ZRANB3: variants seen among roughly 807,000 people sequenced by gnomAD.
ZRANB3 encodes the protein zinc finger RANBP2-type containing 3.
In ZRANB3, 125 loss-of-function variants were observed where a neutral mutation model predicts 133.8. That is an observed-to-expected ratio of 0.93 (90% CI 0.81 to 1.08). ZRANB3 has a LOEUF of 1.08. Ranked by LOEUF, ZRANB3 falls within the 50% of genes least tolerant of loss-of-function variation. The pLI is 0.00. For missense variants in ZRANB3, 1,229 were observed against 1,275.5 expected (o/e 0.96, Z 0.56); for synonymous variants, 387 against 432.7 (o/e 0.89, Z 1.31).
intron 12 of ZRANB3, among the ~76,000 whole-genome samples, chr2:135,256,478 G>A (rs1204016066): frequency 1.3e-5 from 2 of 152,194 alleles, no homozygotes; most frequent in African/African-American, 4.8e-5. Flanking sequence ...ATAGGCGCAA[G>A]CCACCAGGCC....
intron 6 of ZRANB3, among the ~76,000 whole-genome samples, chr2:135,344,669 G>A (rs994818851): frequency 2.8e-4 from 43 of 152,066 alleles, no homozygotes; most frequent in African/African-American, 8.9e-4. Context: ...CATCGGAAGC[G>A]GAGGTTGCAG....
At chr2:135,240,117 G>A (rs996170264) in intron 12 of ZRANB3, among the ~76,000 whole-genome samples, 1 of 152,102 alleles carries the variant, frequency 6.6e-6, no homozygotes, top group African/African-American at 2.4e-5. Context: ...CAAGACAGGA[G>A]GATTGTTTGA....
At chr2:135,324,545 C>T (rs1355752769) in intron 6 of ZRANB3, among the ~76,000 whole-genome samples, 29 of 152,238 alleles carry the variant, frequency 1.9e-4, no homozygotes, top group East Asian at 1.2e-3. Context: ...TAAACATACG[C>T]GTGCATGTGT....
chr2:135,285,810 G>C (rs1437557708), intron 8 of ZRANB3, among the ~76,000 whole-genome samples: 1 of 152,194 alleles, frequency 6.6e-6, no homozygotes, highest in Non-Finnish European at 1.5e-5. Flanking sequence ...GAGATGGCTA[G>C]ACCATATGTA....
intron 1 of ZRANB3, among the ~76,000 whole-genome samples, chr2:135,515,017 G>A (rs1210337526): frequency 1.3e-5 from 2 of 152,162 alleles, no homozygotes; most frequent in South Asian, 4.1e-4. Flanking sequence ...GCTTTGTGAT[G>A]TGCTGCTGGA....
At chr2:135,469,713 T>C (rs1316356996) in intron 2 of ZRANB3, among the ~76,000 whole-genome samples, 1 of 152,032 alleles carries the variant, frequency 6.6e-6, no homozygotes, top group Non-Finnish European at 1.5e-5. Flanking sequence ...ATATAATAAA[T>C]ACAGTTAAGG....
intron 2 of ZRANB3, among the ~76,000 whole-genome samples, chr2:135,447,524 T>G (rs1014642138): frequency 2.6e-5 from 4 of 152,214 alleles, no homozygotes; most frequent in Non-Finnish European, 4.4e-5. Context: ...ATAATCTGCT[T>G]CTTCTGAGGA....
chr2:135,469,301 T>C (rs1418442046), intron 2 of ZRANB3, among the ~76,000 whole-genome samples: 2 of 151,944 alleles, frequency 1.3e-5, no homozygotes, highest in East Asian at 1.9e-4. Flanking sequence ...TCCTAGAAAT[T>C]TGGATTTACT....
intron 19 of ZRANB3, among the ~76,000 whole-genome samples, chr2:135,206,551 T>G (rs1478701460): frequency 6.6e-6 from 1 of 152,082 alleles, no homozygotes; most frequent in Non-Finnish European, 1.5e-5. Flanking sequence ...AAGGCATTTT[T>G]GAGACAACCT....
chr2:135,512,331 C>G (rs1392060357), intron 1 of ZRANB3, among the ~76,000 whole-genome samples: 1 of 152,048 alleles, frequency 6.6e-6, no homozygotes, highest in Middle Eastern at 3.2e-3. Context: ...TAGAACTGTA[C>G]TGAGGAGAAT....
chr2:135,418,919 T>TTCTC (rs201950534), intron 2 of ZRANB3, among the ~76,000 whole-genome samples: 39 of 139,008 alleles, frequency 2.8e-4, no homozygotes, highest in East Asian at 1.1e-3. Context: ...AAAATAAGGA[T>TTCTC]TCTCTCTTTT....
chr2:135,351,139 G>C (rs1236816065), intron 4 of ZRANB3, among the ~76,000 whole-genome samples: 1 of 152,058 alleles, frequency 6.6e-6, no homozygotes, highest in African/African-American at 2.4e-5. Flanking sequence ...ATACAGGACA[G>C]AGCCAGTCTT....
chr2:135,320,810 C>T (rs1037356259), intron 6 of ZRANB3, among the ~76,000 whole-genome samples: 11 of 152,214 alleles, frequency 7.2e-5, no homozygotes, highest in African/African-American at 2.4e-4. Context: ...TTCCTCTCAT[C>T]CTTGGCTCCT....
intron 1 of ZRANB3, among the ~76,000 whole-genome samples, chr2:135,507,618 T>A (rs6723858): frequency 0.2 from 29,858 of 150,664 alleles, 3,635 homozygotes; most frequent in South Asian, 0.36. Context: ...TAAAAAATTT[T>A]AAAAAAAAAT....
At chr2:135,382,849 A>G (rs886486846) in intron 3 of ZRANB3, among the ~76,000 whole-genome samples, 3 of 152,212 alleles carry the variant, frequency 2.0e-5, no homozygotes, top group African/African-American at 7.2e-5. Context: ...AGCACTAAAC[A>G]TGGAAAGGAA....
chr2:135,271,709 G>A (rs931298796), intron 10 of ZRANB3, 59 bp downstream of exon 10: 2 of 1,540,134 alleles, frequency 1.3e-6, no homozygotes, highest in Non-Finnish European at 8.7e-7. Context: ...TATAGTGAAT[G>A]GCCTTTTTTC....
At chr2:135,301,456 G>A (rs1458652551) in intron 8 of ZRANB3, among the ~76,000 whole-genome samples, 1 of 152,094 alleles carries the variant, frequency 6.6e-6, no homozygotes, top group Non-Finnish European at 1.5e-5. Flanking sequence ...AAAGTGCTGG[G>A]ATTACAGGCA....
intron 5 of ZRANB3, 143 bp downstream of exon 5, chr2:135,349,841 T>C: frequency 3.2e-6 from 2 of 631,198 alleles, no homozygotes; most frequent in East Asian, 2.7e-5. Context: ...AAAACATACG[T>C]ACTATCTAGA....
At chr2:135,264,958 A>C (rs916421257) in intron 12 of ZRANB3, among the ~76,000 whole-genome samples, 2 of 152,124 alleles carry the variant, frequency 1.3e-5, no homozygotes, top group Non-Finnish European at 2.9e-5. Context: ...GATGTTGACT[A>C]GGCTGGTCTC....
Sources: allele counts gnomAD v4.1 joint callset (sites outside exome capture counted in the v4.1 genomes callset), GRCh38; gene constraint gnomAD v4.1.1; transcripts MANE v1.5; gene names NCBI Gene and HGNC (gene_info 2026-07-23, HGNC 2026-07-21).